The following PRRT4 variants were observed in gnomAD, a reference collection of about 807,000 sequenced individuals.
PRRT4 encodes proline-rich transmembrane protein 4.
PRRT4 carries 59 observed loss-of-function variants against 55.6 expected under a neutral mutation model. That is an observed-to-expected ratio of 1.06 (90% CI 0.86 to 1.32). The LOEUF (loss-of-function observed/expected upper bound fraction) is 1.32, where lower values mean the gene tolerates loss of function less well. PRRT4 is among the 40% of genes most tolerant of loss of function. The pLI is 0.00. For synonymous variants in PRRT4, 606 were observed against 601.8 expected, an observed-to-expected ratio of 1.01 and a Z score of -0.10; for missense variants, 1,217 against 1,222.0, an observed-to-expected ratio of 1.00 and a Z score of 0.06.
At chr7:128,357,250 T>C (rs151316371) in intron 4 of PRRT4, among the ~76,000 whole-genome samples, 2 of 139,688 alleles carry the variant, frequency 1.4e-5, no homozygotes, top group African/African-American at 5.4e-5. Context: ...TCTCTCTCTC[T>C]CTCTCTCTCT....
chr7:128,351,448 T>C (rs1796965444), exon 5 of PRRT4: 1 of 1,523,856 alleles, frequency 6.6e-7, no homozygotes, highest in Non-Finnish European at 8.8e-7. Flanking sequence ...CGGGGCCGGG[T>C]TGGCCGCCGC....
Position 128,351,650 on chromosome 7 carries a change from T to C in PRRT4, c.1906A>G (p.Lys636Glu), listed in dbSNP as rs1194403606. The stretch of plus-strand genomic sequence containing the variant: ...TGGCCCGGGGACAAGCGGAAGAGCT[T>C]GGCCCAGCAGCGCGGCGGCACGCGA... The change falls in exon 5 of 5, where the codon AAG (lysine) becomes GAG (glutamate). Residue 636 changes from lysine (K) to glutamate (E), a missense_variant. This residue lies in a region of PRRT4 where 642 missense variants were observed against 600.9 expected (regional missense o/e 1.07). Transcript: ENST00000535159. 4.6e-6 allele frequency: 7 copies of C among 1,514,348 alleles called. No homozygotes were observed. The East Asian group carries it at 1.6e-4, about 34-fold the overall frequency. 93.8% of individuals were successfully genotyped at this position (1,514,348 alleles called of 1,614,324 possible).
chr7:128,351,549 G>C (rs1348847561), exon 5 of PRRT4: 1 of 1,483,320 alleles, frequency 6.7e-7, no homozygotes, highest in Non-Finnish European at 8.9e-7. Flanking sequence ...CCGCGTCCCC[G>C]CGAGCGATGG....
At position 128,352,092 on chromosome 7, in the gene PRRT4, A is replaced by G. The variant is rs1043524930; in HGVS notation, c.1464T>C (p.His488=). 15 of 1,142,024 alleles carry G rather than the reference A, an allele frequency of 1.3e-5. No individual in the cohort carries two copies. In the African/African-American group the frequency reaches 2.5e-4, roughly 19 times the overall value. 70.7% of individuals were successfully genotyped at this position (1,142,024 alleles called of 1,614,324 possible). A position where few individuals can be genotyped will look rare whatever the true frequency, so the allele number is the denominator to read the frequency against. Residue 488 remains histidine (H), a synonymous_variant, in exon 5 of 5, where the codon CAT becomes CAC. Coordinates refer to ENST00000535159, the Ensembl canonical transcript of PRRT4. ...CGAGCCGCAGGGGCCGCAGCGGGCG[A>G]TGCGCGGCGCTCCCGAGGGCGGCGG...
At chr7:128,351,456 C>G (rs1295978807) in exon 5 of PRRT4, 5 of 1,521,962 alleles carry the variant, frequency 3.3e-6, no homozygotes, top group Non-Finnish European at 4.4e-6. Flanking sequence ...GGTTGGCCGC[C>G]GCGCCTTCGA....
intron 4 of PRRT4, among the ~76,000 whole-genome samples, chr7:128,357,414 G>A (rs1797138501): frequency 6.6e-6 from 1 of 152,126 alleles, no homozygotes; most frequent in Non-Finnish European, 1.5e-5. Flanking sequence ...CTGCCCGGCT[G>A]CACTGCCTCT....
At chr7:128,355,469 T>A (rs1797094087) in intron 4 of PRRT4, among the ~76,000 whole-genome samples, 1 of 152,208 alleles carries the variant, frequency 6.6e-6, no homozygotes, top group African/African-American at 2.4e-5. Flanking sequence ...CTGCTGGGAT[T>A]ACAGGCGTGA....
chr7:128,361,607 C>G (rs943198205), exon 1 of PRRT4: 1 of 152,232 alleles, frequency 6.6e-6, no homozygotes, highest in Non-Finnish European at 1.5e-5. Context: ...ACTCCGCGCT[C>G]CCTCCCAGCG....
intron 1 of PRRT4, among the ~76,000 whole-genome samples, chr7:128,360,473 C>T (rs1797221645): frequency 6.6e-6 from 1 of 152,204 alleles, no homozygotes; most frequent in East Asian, 1.9e-4. Flanking sequence ...GCAAGCCCTT[C>T]CGATGTCTTG....
intron 4 of PRRT4, among the ~76,000 whole-genome samples, chr7:128,354,532 C>G (rs1338167634): frequency 6.6e-6 from 1 of 151,906 alleles, no homozygotes; most frequent in Non-Finnish European, 1.5e-5. Context: ...CCTCTGCACT[C>G]CAGCCTGGGT....
At chr7:128,359,105 C>T (rs924690937) in intron 3 of PRRT4, 44 bp downstream of exon 4, 31 of 1,530,514 alleles carry the variant, frequency 2.0e-5, no homozygotes, top group Non-Finnish European at 2.6e-5. Flanking sequence ...GCGCTTGGCA[C>T]GTAGAGTGTT....
chr7:128,360,315 A>G (rs1421955568), intron 1 of PRRT4, among the ~76,000 whole-genome samples: 1 of 152,154 alleles, frequency 6.6e-6, no homozygotes, highest in African/African-American at 2.4e-5. Flanking sequence ...GACTGCAACC[A>G]GGGGCCCTCA....
exon 5 of PRRT4, chr7:128,352,271 G>A: frequency 1.3e-6 from 2 of 1,543,258 alleles, no homozygotes; most frequent in Non-Finnish European, 1.7e-6. Flanking sequence ...GCGAGCGCGG[G>A]CAGTCGATCC....
exon 5 of PRRT4, chr7:128,352,331 C>G (rs768727339): frequency 1.9e-6 from 3 of 1,541,438 alleles, no homozygotes; most frequent in South Asian, 2.4e-5. Flanking sequence ...GTGGTCCCGG[C>G]CGACAGCAGC....
rs1797208707 is a variant in PRRT4 at position 128,359,910 on chromosome 7, AG to A, written c.81del (p.Ser28ProfsTer10). 2 of 1,269,840 alleles carry A rather than the reference AG, an allele frequency of 1.6e-6. No homozygotes were observed. The highest frequency in any genetic ancestry group is 2.1e-6 in the Non-Finnish European group (2 of 957,648). The allele number at this position is 1,269,840 out of a possible 1,614,324, so 78.7% of individuals were successfully genotyped here. Reference sequence around the variant, plus strand: ...GTGGTGGCAGGGGCACCTGGGATGGAGGGGGTGGGCTGGGGGCCCACAGTAG... The same window carrying A: ...GTGGTGGCAGGGGCACCTGGGATGGAGGGGTGGGCTGGGGGCCCACAGTAG... On this transcript the variant is annotated frameshift_variant, in exon 2 of 5. Transcript: ENST00000535159. LOFTEE classifies it high-confidence loss of function.
intron 4 of PRRT4, among the ~76,000 whole-genome samples, chr7:128,353,869 A>G (rs1797054573): frequency 1.3e-5 from 2 of 152,166 alleles, no homozygotes; most frequent in Admixed American, 1.3e-4. Context: ...TCCCTTGGAA[A>G]AAGGGAAGTC....
intron 4 of PRRT4, among the ~76,000 whole-genome samples, chr7:128,354,249 C>T (rs1372850700): frequency 6.6e-6 from 1 of 152,186 alleles, no homozygotes; most frequent in Non-Finnish European, 1.5e-5. Context: ...AGGGTCAGCT[C>T]ATGCAGGGGA....
At position 128,358,246 on chromosome 7, in the gene PRRT4, G is replaced by A. The variant is rs1170476876; in HGVS notation, c.877+435C>T. ...GCCTGCTCAAGGTCTCCTCCTCAGTGTCTTCCCAATGAGAAACCCAGCTCT... is the reference window on the plus strand; with the variant it reads ...GCCTGCTCAAGGTCTCCTCCTCAGTATCTTCCCAATGAGAAACCCAGCTCT... On this transcript the variant is annotated intron_variant, in intron 4 of 4. Transcript: ENST00000535159. The surrounding 1 kb of genome is among the most constrained non-coding windows in gnomAD (Gnocchi z 4.4). 5.3e-5 allele frequency among the ~76,000 whole-genome samples: 8 copies of A among 152,190 alleles called. No individual in the cohort carries two copies. The South Asian group carries it at 8.3e-4, about 16-fold the overall frequency.
At chr7:128,352,196 G>A in exon 5 of PRRT4, 3 of 1,490,416 alleles carry the variant, frequency 2.0e-6, no homozygotes, top group East Asian at 2.8e-5. Flanking sequence ...CGGGCCAGCA[G>A]CAGGCAGGCC....
Sources: gnomAD v4.1 joint callset for allele counts (sites outside exome capture counted in the v4.1 genomes callset) on GRCh38, gnomAD v4.1.1 for gene constraint, gnomAD v4.1.1 regional missense constraint, Gnocchi (gnomAD v3.1) non-coding constraint, MANE v1.5 for transcripts, NCBI Gene and HGNC (gene_info 2026-07-23, HGNC 2026-07-21) for gene names.